EIF3H: variants seen among roughly 807,000 people sequenced by gnomAD.
EIF3H encodes the protein eIF-3-gamma.
A neutral mutation model predicts 44.2 loss-of-function variants in EIF3H; 26 were observed. The ratio of observed to expected loss-of-function variants is 0.59; its 90% confidence interval spans 0.43 to 0.82. The LOEUF is 0.82. Ranked by LOEUF, EIF3H falls within the 40% of genes least tolerant of loss-of-function variation. The probability of loss-of-function intolerance (pLI) is 0.00; values close to 1 mark genes in which losing one functional copy is unlikely to be tolerated. For synonymous variants in EIF3H, 166 were observed against 151.9 expected (o/e 1.09, Z -0.68); for missense variants, 359 against 432.8 (o/e 0.83, Z 1.51).
At chr8:116,747,739 G>C (rs781099429) in intron 1 of EIF3H, among the ~76,000 whole-genome samples, 1 of 152,114 alleles carries the variant, frequency 6.6e-6, no homozygotes, top group African/African-American at 2.4e-5. Context: ...AAATTCATAA[G>C]AGTATCACAA....
chr8:116,698,311 A>G (rs1043233507), intron 2 of EIF3H, among the ~76,000 whole-genome samples: 2 of 152,158 alleles, frequency 1.3e-5, no homozygotes, highest in Non-Finnish European at 2.9e-5. Flanking sequence ...ACAATTTTCC[A>G]GATACTCATG....
chr8:116,749,647 T>A (rs1815295156), intron 1 of EIF3H, among the ~76,000 whole-genome samples: 1 of 152,196 alleles, frequency 6.6e-6, no homozygotes, highest in African/African-American at 2.4e-5. Context: ...TTGTTTTTTT[T>A]CTTTTAACTC....
intron 2 of EIF3H, among the ~76,000 whole-genome samples, chr8:116,673,624 T>C (rs1813792997): frequency 6.6e-6 from 1 of 152,196 alleles, no homozygotes; most frequent in Non-Finnish European, 1.5e-5. Context: ...AATGGCTTTA[T>C]TGGCATTAAC....
intron 1 of EIF3H, among the ~76,000 whole-genome samples, chr8:116,732,185 A>G (rs1814961095): frequency 1.3e-5 from 2 of 152,182 alleles, no homozygotes; most frequent in African/African-American, 4.8e-5. Flanking sequence ...CGCCATCTCT[A>G]ATGAACACAA....
chr8:116,696,970 A>G, intron 2 of EIF3H: 1 of 368,086 alleles, frequency 2.7e-6, no homozygotes. Flanking sequence ...AAAAGCTAGG[A>G]CACCAACCCT....
upstream of EIF3H, among the ~76,000 whole-genome samples, chr8:116,758,475 TAAGGAACTC>T (rs926549394): frequency 1.3e-5 from 2 of 152,120 alleles, no homozygotes; most frequent in Non-Finnish European, 2.9e-5. Flanking sequence ...CAATAGGATA[TAAGGAACTC>T]AACAATACCA....
At chr8:116,732,504 A>G (rs937223748) in intron 1 of EIF3H, among the ~76,000 whole-genome samples, 1 of 152,192 alleles carries the variant, frequency 6.6e-6, no homozygotes, top group Non-Finnish European at 1.5e-5. Flanking sequence ...AACAGTTCAA[A>G]TTTGACCAAA....
At chr8:116,650,775 T>C (rs1369079595) in intron 5 of EIF3H, among the ~76,000 whole-genome samples, 2 of 152,110 alleles carry the variant, frequency 1.3e-5, no homozygotes, top group East Asian at 1.9e-4. Context: ...GCCTCTCGAG[T>C]AGCTGGGACT....
intron 1 of EIF3H, among the ~76,000 whole-genome samples, chr8:116,731,058 G>A (rs561164979): frequency 6.6e-6 from 1 of 152,118 alleles, no homozygotes; most frequent in Non-Finnish European, 1.5e-5. Flanking sequence ...ATAACAGCAA[G>A]GCTGAAAAAG....
At chr8:116,656,177 G>C (rs985535088) in intron 4 of EIF3H, among the ~76,000 whole-genome samples, 172 bp from the exon 5 acceptor site, 6 of 151,722 alleles carry the variant, frequency 4.0e-5, no homozygotes, top group African/African-American at 1.5e-4. Context: ...AGCATAAGTT[G>C]AGTGATTTGA....
chr8:116,696,701 T>G (rs548613661), intron 2 of EIF3H, among the ~76,000 whole-genome samples: 97 of 151,390 alleles, frequency 6.4e-4, no homozygotes, highest in South Asian at 4.8e-3. Context: ...ATAGTGGGGG[T>G]TTTTTTTTGT....
chr8:116,758,955 A>G (rs1051643610), upstream of EIF3H, among the ~76,000 whole-genome samples: 2 of 152,352 alleles, frequency 1.3e-5, no homozygotes, highest in African/African-American at 4.8e-5. Context: ...GCTCTCTAAC[A>G]TCCTAGACAA....
chr8:116,704,694 A>G (rs1814437942), intron 2 of EIF3H, among the ~76,000 whole-genome samples: 1 of 152,234 alleles, frequency 6.6e-6, no homozygotes, highest in Non-Finnish European at 1.5e-5. Flanking sequence ...AAGGGAAAAC[A>G]AAGGAATAGC....
At chr8:116,697,258 C>CA (rs1286810861) in intron 2 of EIF3H, 13 of 436,574 alleles carry the variant, frequency 3.0e-5, no homozygotes, top group Non-Finnish European at 5.9e-5. Flanking sequence ...TCAGAAGAAA[C>CA]AAAAAAAGAA....
chr8:116,643,080 CTTTG>C lies in EIF3H; in HGVS notation c.*1922_*1925del, dbSNP rs925435739. 20 of 152,272 alleles carry C rather than the reference CTTTG, an allele frequency of 1.3e-4. No individual in the cohort carries two copies. Among genetic ancestry groups the C allele is most frequent in the East Asian group, 5.8e-4 (3 of 5,186 alleles). The allele number at this position is 152,272 out of a possible 1,614,324, so 9.4% of individuals were successfully genotyped here. On this transcript the variant is annotated 3_prime_UTR_variant, in exon 8 of 8. Transcript: ENST00000521861. ...TTGCTCGCTTGCTACTTTAAGGGTGCTTTGTTTAACTCCACAATAAGATCCCAAG... is the reference window on the plus strand; with the variant it reads ...TTGCTCGCTTGCTACTTTAAGGGTGCTTTAACTCCACAATAAGATCCCAAG...
intron 2 of EIF3H, among the ~76,000 whole-genome samples, chr8:116,663,776 C>T (rs1274603851): frequency 6.6e-6 from 1 of 151,826 alleles, no homozygotes; most frequent in Non-Finnish European, 1.5e-5. Context: ...ACTAAAAATA[C>T]AAAAATTAGC....
chr8:116,690,020 C>A (rs1021901803), intron 2 of EIF3H, among the ~76,000 whole-genome samples: 1 of 152,136 alleles, frequency 6.6e-6, no homozygotes, highest in Non-Finnish European at 1.5e-5. Context: ...CAGTTTAATA[C>A]CTGCTTAAAA....
In EIF3H at chr8:116,657,267, G is replaced by C; in HGVS notation, c.505C>G (p.Leu169Val). The stretch of plus-strand genomic sequence containing the variant: ...CAAACTTCCATCAGTTTAGGAGTCA[G>C]TCTGTATGCCTTTAGTGAGAGAGAT... ...QGSLSLKAYR[L>V]TPKLMEVCKE... Residue 169 changes from leucine (L) to valine (V), a missense_variant, in exon 4 of 8, where the codon CTG becomes GTG. By Grantham distance (32) the Leu-to-Val change is conservative. Coordinates refer to ENST00000521861, the MANE Select transcript of EIF3H (RefSeq NM_003756.3). 6.2e-7 allele frequency: 1 copy of C among 1,613,806 alleles called. No individual in the cohort carries two copies. The highest frequency in any genetic ancestry group is 8.5e-7 in the Non-Finnish European group (1 of 1,179,776).
intron 2 of EIF3H, among the ~76,000 whole-genome samples, chr8:116,660,151 A>G (rs911165725): frequency 1.3e-5 from 2 of 152,186 alleles, no homozygotes; most frequent in South Asian, 2.1e-4. Context: ...TCGGCCTCCC[A>G]AAGTGTTGGG....
Sources: allele counts gnomAD v4.1 joint callset (sites outside exome capture counted in the v4.1 genomes callset), GRCh38; gene constraint gnomAD v4.1.1; transcripts MANE v1.5; gene names NCBI Gene and HGNC (gene_info 2026-07-23, HGNC 2026-07-21).